The following SHPRH variants were observed in gnomAD, a reference collection of about 807,000 sequenced individuals.
The protein encoded by SHPRH is SNF2 histone linker PHD RING helicase.
Under a neutral mutation model 202.5 loss-of-function variants are expected in SHPRH, and 106 were observed. The observed-to-expected ratio is 0.52, with a 90% CI of 0.45 to 0.62. The LOEUF (loss-of-function observed/expected upper bound fraction) is 0.62. SHPRH is among the 20% of genes least tolerant of loss of function. The probability of loss-of-function intolerance (pLI) is 0.00; values close to 1 mark genes in which losing one functional copy is unlikely to be tolerated. For missense variants in SHPRH, 1,710 were observed against 2,020.0 expected (o/e 0.85, Z 2.94); for synonymous variants, 729 against 686.0 (o/e 1.06, Z -0.98).
intron 1 of SHPRH, among the ~76,000 whole-genome samples, chr6:145,962,757 T>C (rs1187103935): frequency 6.6e-6 from 1 of 152,268 alleles, no homozygotes; most frequent in Non-Finnish European, 1.5e-5. Context: ...GTCCAAAATG[T>C]TGTGTTATGG....
In SHPRH at chr6:145,954,827, C is replaced by CT. The variant is rs1469942319; in HGVS notation, c.495dup (p.Glu166ArgfsTer7). ...CCCTTGTCACAAATACTCATCGGTT[C>CT]TTTTTTTTGTTTCTCTACATCTTCA... On this transcript the variant is annotated frameshift_variant, in exon 2 of 30. Coordinates refer to ENST00000275233, the MANE Select transcript of SHPRH (RefSeq NM_001042683.3). LOFTEE classifies it high-confidence loss of function. 4 of 1,613,432 alleles carry CT rather than the reference C, an allele frequency of 2.5e-6. No homozygotes were observed. The highest frequency in any genetic ancestry group is 2.5e-6 in the Non-Finnish European group (3 of 1,179,734).
intron 2 of SHPRH, among the ~76,000 whole-genome samples, chr6:145,953,119 A>G (rs1323851920): frequency 6.6e-6 from 1 of 152,062 alleles, no homozygotes; most frequent in Non-Finnish European, 1.5e-5. Flanking sequence ...TATAACTATA[A>G]AAGTTTCTAA....
Position 145,941,894 on chromosome 6 carries a change from GGCAGTTATTGC to G in SHPRH, c.2239-31_2239-21del. On this transcript the variant is annotated intron_variant, in intron 9 of 29. Coordinates refer to ENST00000275233, the MANE Select transcript of SHPRH (RefSeq NM_001042683.3). ...ATATACCTAGGAAATAATCAATACA[GGCAGTTATTGC>G]AAAAAGGCTCACTAAAGGCAATGAA... is the stretch of plus-strand genomic sequence containing the variant. 1 of 1,608,634 alleles carries G rather than the reference GGCAGTTATTGC, an allele frequency of 6.2e-7. No individual in the cohort carries two copies. The highest frequency in any genetic ancestry group is 1.1e-5 in the South Asian group (1 of 90,564).
At chr6:145,903,593 G>A (rs1782693072) in intron 25 of SHPRH, 1 of 151,996 alleles carries the variant, frequency 6.6e-6, no homozygotes, top group South Asian at 2.1e-4. Flanking sequence ...GCCAGTTGAT[G>A]GTCACATACT....
At chr6:145,891,886 C>A (rs1781598211) in intron 28 of SHPRH, among the ~76,000 whole-genome samples, 1 of 151,782 alleles carries the variant, frequency 6.6e-6, no homozygotes, top group Admixed American at 6.6e-5. Context: ...ATTGGTAGGA[C>A]AAAAAATCAA....
intron 23 of SHPRH, among the ~76,000 whole-genome samples, chr6:145,915,094 T>C (rs1783830190): frequency 6.8e-6 from 1 of 147,700 alleles, no homozygotes; most frequent in Non-Finnish European, 1.5e-5. Context: ...TAAATTTTAA[T>C]AAACTTATAA....
Position 145,950,461 on chromosome 6 carries a change from T to C in SHPRH, c.785A>G (p.Asp262Gly), listed in dbSNP as rs982972806. The C allele has an allele frequency of 8.7e-6, 14 of 1,612,764 alleles. No individual in the cohort carries two copies. Among genetic ancestry groups the C allele is most frequent in the East Asian group, 2.2e-5 (1 of 44,878 alleles). ...IIPDVLEEDE[D>G]DPESEPEGQD... is the part of the protein sequence containing the mutation. ...TCCCTCTGGCTCACTCTCCGGATCA[T>C]CTTCATCCTCTTCCAACACATCTGT... Residue 262 changes from aspartate to glycine, a missense_variant, in exon 4 of 30, where the codon GAT (aspartate) becomes GGT (glycine). Asp to Gly is a moderately conservative substitution (Grantham distance 94). Around this residue, in one of 8 missense-constraint regions of SHPRH, gnomAD observed 459 missense variants for 426.5 expected, o/e 1.08. Transcript: ENST00000275233.
intron 21 of SHPRH, among the ~76,000 whole-genome samples, chr6:145,919,922 G>A (rs996733331): frequency 1.3e-5 from 2 of 152,084 alleles, no homozygotes; most frequent in African/African-American, 4.8e-5. Context: ...GGCTCTGTGT[G>A]TTCTTTCTCA....
chr6:145,946,445 T>A, intron 6 of SHPRH, 104 bp from the exon 7 acceptor site: 1 of 925,662 alleles, frequency 1.1e-6, no homozygotes, highest in Non-Finnish European at 1.5e-6. Context: ...AAAACAGTTC[T>A]AAAAAAATTG....
intron 2 of SHPRH, chr6:145,864,545 C>A: frequency 4.7e-6 from 1 of 214,352 alleles, no homozygotes; most frequent in Non-Finnish European, 1.0e-5. Context: ...ACAGCAACAA[C>A]AAAACAATAA....
chr6:145,900,118 G>C (rs529969336), intron 25 of SHPRH, among the ~76,000 whole-genome samples: 2 of 152,206 alleles, frequency 1.3e-5, no homozygotes, highest in South Asian at 4.1e-4. Flanking sequence ...ATTAAAAATA[G>C]AACTACCACA....
chr6:145,898,832 G>T (rs1782239780), intron 25 of SHPRH, among the ~76,000 whole-genome samples: 1 of 151,966 alleles, frequency 6.6e-6, no homozygotes, highest in Non-Finnish European at 1.5e-5. Context: ...TTCTTTTTGA[G>T]ACAGGGTCTT....
At chr6:145,894,667 CTAA>C (rs1781857031) in intron 26 of SHPRH, among the ~76,000 whole-genome samples, 1 of 151,778 alleles carries the variant, frequency 6.6e-6, no homozygotes, top group South Asian at 2.1e-4. Flanking sequence ...TTAAATGAAA[CTAA>C]TAAAAAGTCA....
At chr6:145,888,255 A>C (rs1183143048) in intron 28 of SHPRH, among the ~76,000 whole-genome samples, 155 bp from the exon 29 acceptor site, 1 of 152,166 alleles carries the variant, frequency 6.6e-6, no homozygotes, top group Non-Finnish European at 1.5e-5. Context: ...TGAACTATTT[A>C]ATCTCCATGA....
intron 25 of SHPRH, chr6:145,904,721 A>G (rs1300093731): frequency 6.6e-6 from 1 of 152,142 alleles, no homozygotes; most frequent in Non-Finnish European, 1.5e-5. Flanking sequence ...TTGCCCGCAC[A>G]ATGGTACAAT....
rs1220043951 is a variant in SHPRH, at chr6:145,945,527, G to A, written c.1432C>T (p.Arg478Trp). Residue 478 changes from arginine to tryptophan, a missense_variant, in exon 8 of 30, where the codon CGG (arginine) becomes TGG (tryptophan). Coordinates refer to ENST00000275233, the MANE Select transcript of SHPRH (RefSeq NM_001042683.3). ...ATCCGTTTCAAAAGACTCCTGTTCC[G>A]TTGAACATCGTATCTATATATAGAA... ...VSSIYRYDVQ[R>W]NRSLLKRMLK... 6 of 1,613,184 alleles carry A rather than the reference G, an allele frequency of 3.7e-6. No individual in the cohort carries two copies. The highest frequency in any genetic ancestry group is 2.2e-5 in the East Asian group (1 of 44,800).
chr6:145,924,701 A>G (rs762704564), intron 17 of SHPRH, 38 bp downstream of exon 17: 1 of 1,567,162 alleles, frequency 6.4e-7, no homozygotes, highest in Non-Finnish European at 8.8e-7. Context: ...TGATATCTGG[A>G]GGCAAATACA....
At chr6:145,919,628 C>A in intron 21 of SHPRH, 137 bp from the exon 22 acceptor site, 1 of 938,990 alleles carries the variant, frequency 1.1e-6, no homozygotes, top group South Asian at 2.1e-5. Context: ...ACAAGTAGTT[C>A]CTGGGGTCAT....
At chr6:145,882,083 CTG>C (rs1182500424), downstream of SHPRH, among the ~76,000 whole-genome samples, 3 of 148,912 alleles carry the variant, frequency 2.0e-5, no homozygotes, top group Admixed American at 6.7e-5. Flanking sequence ...GTAACAGAGA[CTG>C]TGTCTCAAAA....
Sources: gnomAD v4.1 joint callset for allele counts (sites outside exome capture counted in the v4.1 genomes callset) on GRCh38, gnomAD v4.1.1 for gene constraint, gnomAD v4.1.1 regional missense constraint, MANE v1.5 for transcripts, NCBI Gene and HGNC (gene_info 2026-07-23, HGNC 2026-07-21) for gene names.